The following CCDC7 variants were observed in gnomAD, a reference collection of about 807,000 sequenced individuals.
The protein encoded by CCDC7 is coiled-coil domain-containing protein 7.
CCDC7 carries 183 observed loss-of-function variants against 196.9 expected under a neutral mutation model. The ratio of observed to expected loss-of-function variants is 0.93; its 90% CI spans 0.82 to 1.05. CCDC7 has a LOEUF of 1.05. Ranked by LOEUF, CCDC7 falls within the 50% of genes least tolerant of loss-of-function variation. The probability of loss-of-function intolerance (pLI) is 0.00; values close to 1 mark genes in which losing one functional copy is unlikely to be tolerated. For missense variants in CCDC7, 1,540 were observed against 1,482.2 expected (o/e 1.04, Z -0.64); for synonymous variants, 525 against 484.6 (o/e 1.08, Z -1.10).
At chr10:32,682,819 T>C (rs2076018504) in intron 21 of CCDC7, among the ~76,000 whole-genome samples, 1 of 152,202 alleles carries the variant, frequency 6.6e-6, no homozygotes, top group African/African-American at 2.4e-5. Context: ...GTTCATGTTC[T>C]TTGCCCATTT....
chr10:32,818,322 A>G (rs2089297778), intron 31 of CCDC7, among the ~76,000 whole-genome samples: 1 of 152,238 alleles, frequency 6.6e-6, no homozygotes, highest in Non-Finnish European at 1.5e-5. Context: ...ATACAGGAGC[A>G]CCCAGATTTA....
At chr10:32,684,352 C>G (rs1427279133) in intron 21 of CCDC7, among the ~76,000 whole-genome samples, 1 of 152,156 alleles carries the variant, frequency 6.6e-6, no homozygotes, top group African/African-American at 2.4e-5. Context: ...ATGCAGCTTT[C>G]TGTGTCAGTC....
chr10:32,804,725 G>C (rs1177334925), intron 29 of CCDC7, among the ~76,000 whole-genome samples: 1 of 152,128 alleles, frequency 6.6e-6, no homozygotes, highest in Non-Finnish European at 1.5e-5. Flanking sequence ...ACTGTTCAAA[G>C]TATTGTGGGG....
At chr10:32,645,464 G>T (rs1345728765) in intron 20 of CCDC7, among the ~76,000 whole-genome samples, 2 of 142,718 alleles carry the variant, frequency 1.4e-5, no homozygotes, top group Non-Finnish European at 3.0e-5. Flanking sequence ...TTTCATCAGT[G>T]ATACTGACCT....
chr10:32,671,066 T>G (rs944608461), intron 21 of CCDC7, among the ~76,000 whole-genome samples: 1 of 152,186 alleles, frequency 6.6e-6, no homozygotes, highest in Non-Finnish European at 1.5e-5. Context: ...TCAGGTTAAT[T>G]TATTATTGAA....
In CCDC7 at chr10:32,685,588, A is replaced by G. The variant is rs553094969; in HGVS notation, c.2123-382A>G. Among the ~76,000 whole-genome samples, 25 of 152,346 alleles carry G rather than the reference A, an allele frequency of 1.6e-4. No homozygotes were observed. The South Asian group carries it at 4.6e-3, about 28-fold the overall frequency. ...GTATATACATTGGCTTATTCAACCA[A>G]TATCCAATGCTTGAACATTTATGTG... On this transcript the variant is annotated intron_variant, in intron 21 of 41. Coordinates refer to ENST00000639629, the Ensembl canonical transcript of CCDC7.
intron 29 of CCDC7, among the ~76,000 whole-genome samples, chr10:32,780,539 G>A (rs1285300868): frequency 1.3e-5 from 2 of 151,762 alleles, no homozygotes; most frequent in Non-Finnish European, 2.9e-5. Flanking sequence ...TGGATGGATT[G>A]AAGTTGAGTT....
chr10:32,728,943 A>G (rs1011054445), exon 27 of CCDC7: 7 of 1,610,070 alleles, frequency 4.3e-6, no homozygotes, highest in African/African-American at 1.3e-5. Flanking sequence ...TTCAAAGTCA[A>G]AACTCCAAAT....
At chr10:32,719,299 T>A (rs1404095577) in intron 25 of CCDC7, among the ~76,000 whole-genome samples, 1 of 152,064 alleles carries the variant, frequency 6.6e-6, no homozygotes, top group African/African-American at 2.4e-5. Context: ...TAATAAATGG[T>A]GTTGGGAAAA....
intron 24 of CCDC7, among the ~76,000 whole-genome samples, chr10:32,702,851 T>G (rs1449835619): frequency 6.6e-6 from 1 of 152,256 alleles, no homozygotes; most frequent in East Asian, 1.9e-4. Flanking sequence ...TGCCTTTTTT[T>G]GTTTTCCATT....
At chr10:32,709,981 A>C (rs1425676336) in intron 24 of CCDC7, among the ~76,000 whole-genome samples, 1 of 152,190 alleles carries the variant, frequency 6.6e-6, no homozygotes, top group African/African-American at 2.4e-5. Context: ...AATGTATTTT[A>C]GTCATAGGGA....
chr10:32,616,665 G>T (rs1442567267), intron 18 of CCDC7, among the ~76,000 whole-genome samples: 1 of 150,380 alleles, frequency 6.6e-6, no homozygotes, highest in East Asian at 2.0e-4. Flanking sequence ...GTTTTCTCTT[G>T]CATGATTGCT....
chr10:32,693,001 T>G (rs1218590314), intron 23 of CCDC7, among the ~76,000 whole-genome samples: 3 of 152,194 alleles, frequency 2.0e-5, no homozygotes, highest in African/African-American at 7.2e-5. Context: ...CAAATTGAGT[T>G]CAGATTGCTT....
At chr10:32,499,081 GTTTCT>G in intron 9 of CCDC7, 1 of 82,952 alleles carries the variant, frequency 1.2e-5, no homozygotes, top group East Asian at 3.5e-4. Flanking sequence ...GGTTTTGTTT[GTTTCT>G]TTTTTTTTTT....
intron 11 of CCDC7, among the ~76,000 whole-genome samples, chr10:32,538,703 A>C (rs1486831549): frequency 6.6e-6 from 1 of 152,178 alleles, no homozygotes; most frequent in Non-Finnish European, 1.5e-5. Flanking sequence ...AGAGAGTTGA[A>C]TTTTATTGAA....
At chr10:32,870,275 G>A (rs1003557434) in intron 41 of CCDC7, among the ~76,000 whole-genome samples, 57 of 152,162 alleles carry the variant, frequency 3.7e-4, no homozygotes, top group Non-Finnish European at 5.7e-4. Context: ...TTATTTCACT[G>A]AGCAGTGGTT....
chr10:32,688,861 G>A (rs2076755605), intron 22 of CCDC7, among the ~76,000 whole-genome samples, 192 bp from the exon 24 acceptor site: 1 of 152,118 alleles, frequency 6.6e-6, no homozygotes, highest in Non-Finnish European at 1.5e-5. Flanking sequence ...TATTGATATG[G>A]TGAGATAGTT....
chr10:32,844,177 T>C (rs1593368327), intron 33 of CCDC7, among the ~76,000 whole-genome samples: 1 of 152,072 alleles, frequency 6.6e-6, no homozygotes, highest in East Asian at 1.9e-4. Flanking sequence ...TTCATAACTT[T>C]CATGTATTTT....
chr10:32,531,110 A>G lies in CCDC7; in HGVS notation c.994-12190A>G, dbSNP rs894403024. ...TTATGTTCCTGGGATGATGGATCTT[A>G]CTTGATTATGGTGATTGATTCTTTT... On this transcript the variant is annotated intron_variant, in intron 11 of 41. Transcript: ENST00000639629. Among the ~76,000 whole-genome samples, 8 of 152,032 alleles carry G rather than the reference A, an allele frequency of 5.3e-5. No individual in the cohort carries two copies. In the South Asian group the frequency reaches 1.2e-3, roughly 24 times the overall value.
Sources: allele counts gnomAD v4.1 joint callset (sites outside exome capture counted in the v4.1 genomes callset), GRCh38; gene constraint gnomAD v4.1.1; transcripts MANE v1.5; gene names NCBI Gene and HGNC (gene_info 2026-07-23, HGNC 2026-07-21).